The following TRMT1L variants were observed in gnomAD, a reference collection of about 807,000 sequenced individuals.
TRMT1L encodes the protein tRNA (guanine(27)-N(2))-dimethyltransferase.
In TRMT1L, 28 loss-of-function variants were observed where a neutral mutation model predicts 81.6. The observed-to-expected ratio is 0.34, with a 90% confidence interval of 0.25 to 0.47. The LOEUF (loss-of-function observed/expected upper bound fraction) is 0.47. Ranked by LOEUF, TRMT1L falls within the 20% of genes least tolerant of loss-of-function variation. The pLI, the probability that TRMT1L is intolerant of heterozygous loss-of-function variation, is 1.00. For missense variants in TRMT1L, 739 were observed against 877.1 expected (o/e 0.84, Z 1.99); for synonymous variants, 301 against 303.2 (o/e 0.99, Z 0.07).
At chr1:185,137,457 G>A (rs1652928046) in intron 10 of TRMT1L, 149 bp downstream of exon 10, 1 of 810,848 alleles carries the variant, frequency 1.2e-6, no homozygotes, top group African/African-American at 1.7e-5. Flanking sequence ...TGTCTTGTCT[G>A]TTGACGAAAG....
At chr1:185,151,795 G>GAA (rs368841273) in intron 2 of TRMT1L, 30 bp downstream of exon 2, 2,108 of 1,138,656 alleles carry the variant, frequency 1.9e-3, no homozygotes, top group South Asian at 2.9e-3. Context: ...TAGAAACTAA[G>GAA]AAAAAAAAAA....
rs146864347 is a variant in TRMT1L, at chr1:185,123,936, A to T, written c.1760-17T>A. 735 of 1,371,110 alleles carry T rather than the reference A, an allele frequency of 5.4e-4. 1 individual carries two copies. Among genetic ancestry groups the T allele is most frequent in the Non-Finnish European group, 6.7e-4 (676 of 1,010,494 alleles). The allele number at this position is 1,371,110 out of a possible 1,614,324, so 84.9% of individuals were successfully genotyped here. A position where few individuals can be genotyped will look rare whatever the true frequency, so the allele number is the denominator to read the frequency against. On this transcript the variant is annotated splice_polypyrimidine_tract_variant and intron_variant, in intron 12 of 14. Coordinates refer to ENST00000367506, the MANE Select transcript of TRMT1L (RefSeq NM_030934.5). ...CATTTTCTTCTAAAAAATAAAGCAA[A>T]TGGGAAAAGAAAATATTTTACAGAA...
chr1:185,144,644 G>C (rs535930871), intron 5 of TRMT1L, among the ~76,000 whole-genome samples: 1 of 140,746 alleles, frequency 7.1e-6, no homozygotes, highest in Non-Finnish European at 1.5e-5. Context: ...ATATTGATGT[G>C]TATATATGTG....
At chr1:185,122,131 T>C (rs1011702872) in intron 13 of TRMT1L, among the ~76,000 whole-genome samples, 1 of 152,234 alleles carries the variant, frequency 6.6e-6, no homozygotes, top group Non-Finnish European at 1.5e-5. Context: ...TTCTTTCTTA[T>C]GGCTGCATAG....
intron 1 of TRMT1L, among the ~76,000 whole-genome samples, chr1:185,154,182 G>A (rs995803133): frequency 2.0e-5 from 3 of 152,110 alleles, no homozygotes; most frequent in African/African-American, 7.2e-5. Context: ...TTTATTAAAA[G>A]GTAATTTTTC....
chr1:185,150,163 C>T (rs1008342954), intron 3 of TRMT1L, among the ~76,000 whole-genome samples: 7 of 152,094 alleles, frequency 4.6e-5, no homozygotes, highest in Non-Finnish European at 7.4e-5. Context: ...ACAACAGATG[C>T]ATAATAAATG....
chr1:185,141,742 G>A (rs974826525), intron 7 of TRMT1L, among the ~76,000 whole-genome samples: 3 of 152,114 alleles, frequency 2.0e-5, no homozygotes, highest in African/African-American at 7.2e-5. Context: ...GAAGAATACT[G>A]AGAAATAAAT....
At chr1:185,144,486 G>C (rs961242524) in intron 5 of TRMT1L, among the ~76,000 whole-genome samples, 55 of 151,876 alleles carry the variant, frequency 3.6e-4, no homozygotes, top group African/African-American at 1.3e-3. Context: ...GGCTTACTAA[G>C]AATCACTCTA....
At position 185,118,201 on chromosome 1, in the gene TRMT1L, A is replaced by G. The variant is rs1441493528; in HGVS notation, c.*1818T>C. 1 of 152,228 alleles carries G rather than the reference A, an allele frequency of 6.6e-6. No individual in the cohort carries two copies. Among genetic ancestry groups the G allele is most frequent in the Admixed American group, 6.5e-5 (1 of 15,280 alleles). 9.4% of individuals were successfully genotyped at this position (152,228 alleles called of 1,614,324 possible). ...AATTACTACTATTGTTACGAGAATA[A>G]GATTGCTCAGGTTGCTAAAAGGAAT... On this transcript the variant is annotated 3_prime_UTR_variant, in exon 15 of 15. Coordinates refer to ENST00000367506, the MANE Select transcript of TRMT1L (RefSeq NM_030934.5).
Position 185,119,565 on chromosome 1 carries a change from T to C in TRMT1L, c.*454A>G, listed in dbSNP as rs1053166. ...AAATACATTATGACCTGTAAGAACATTGTTCTTCCTATTCTATTCAGGGTC... is the reference window on the plus strand; with the variant it reads ...AAATACATTATGACCTGTAAGAACACTGTTCTTCCTATTCTATTCAGGGTC... On this transcript the variant is annotated 3_prime_UTR_variant, in exon 15 of 15. Coordinates refer to ENST00000367506, the MANE Select transcript of TRMT1L (RefSeq NM_030934.5). 47,606 of 152,702 alleles carry C rather than the reference T, an allele frequency of 0.31. 7,737 individuals carry two copies. Among genetic ancestry groups the C allele is most frequent in the Middle Eastern group, 0.39 (114 of 294 alleles). 9.5% of individuals were successfully genotyped at this position (152,702 alleles called of 1,614,324 possible). A position where few individuals can be genotyped will look rare whatever the true frequency, so the allele number is the denominator to read the frequency against.
intron 1 of TRMT1L, among the ~76,000 whole-genome samples, chr1:185,154,035 C>T (rs573242232): frequency 4.3e-4 from 66 of 152,238 alleles, no homozygotes; most frequent in African/African-American, 1.6e-3. Flanking sequence ...GTGCCTAATG[C>T]AGTAGCTTGC....
Position 185,119,357 on chromosome 1 carries a change from A to C in TRMT1L, c.*662T>G, listed in dbSNP as rs542428598. The C allele has an allele frequency of 2.6e-5, 4 of 152,286 alleles. No individual in the cohort carries two copies. The highest frequency in any genetic ancestry group is 7.2e-5 in the African/African-American group (3 of 41,572). 9.4% of individuals were successfully genotyped at this position (152,286 alleles called of 1,614,324 possible). A position where few individuals can be genotyped will look rare whatever the true frequency, so the allele number is the denominator to read the frequency against. On this transcript the variant is annotated 3_prime_UTR_variant, in exon 15 of 15. Coordinates refer to ENST00000367506, the MANE Select transcript of TRMT1L (RefSeq NM_030934.5). ...AGTATTATATTAGATTAATGGTCTCAATTTATTCTGACAAAATCTTACTTT... is the reference window on the plus strand; with the variant it reads ...AGTATTATATTAGATTAATGGTCTCCATTTATTCTGACAAAATCTTACTTT...
At chr1:185,125,156 C>T in intron 11 of TRMT1L, 46 bp from the exon 12 acceptor site, 2 of 1,441,524 alleles carry the variant, frequency 1.4e-6, no homozygotes, top group Non-Finnish European at 1.9e-6. Flanking sequence ...AAAAATGTTT[C>T]TCTTTAAAAA....
intron 4 of TRMT1L, among the ~76,000 whole-genome samples, chr1:185,145,871 A>C (rs1653174616): frequency 6.6e-6 from 1 of 152,004 alleles, no homozygotes; most frequent in Non-Finnish European, 1.5e-5. Context: ...GTGTGCTGGT[A>C]AATGCTTATT....
At chr1:185,133,076 T>C (rs765290458) in intron 10 of TRMT1L, among the ~76,000 whole-genome samples, 3 of 152,176 alleles carry the variant, frequency 2.0e-5, no homozygotes, top group Admixed American at 1.3e-4. Flanking sequence ...TGCTTAACTA[T>C]GGTGAAGGAA....
chr1:185,134,743 T>C, intron 10 of TRMT1L, among the ~76,000 whole-genome samples: 1 of 152,238 alleles, frequency 6.6e-6, no homozygotes, highest in East Asian at 1.9e-4. Flanking sequence ...GTATACAGGC[T>C]ATTGGACATG....
chr1:185,147,209 T>A lies in TRMT1L; in HGVS notation c.498A>T (p.Pro166=), dbSNP rs375162886. The A allele has an allele frequency of 6.2e-7, 1 of 1,610,748 alleles. No homozygotes were observed. The highest frequency in any genetic ancestry group is 1.1e-5 in the South Asian group (1 of 90,674). ...RMCICHLPCR[P]VKPNIIGEQI... Reference sequence around the variant, plus strand: ...GTTCTCCAATAATGTTTGGTTTCACTGGTCGACAAGGTAAGTGACAGATGC... The same window carrying A: ...GTTCTCCAATAATGTTTGGTTTCACAGGTCGACAAGGTAAGTGACAGATGC... The change falls in exon 4 of 15, where the codon CCA becomes CCT. Residue 166 remains proline (P), a synonymous_variant. Transcript: ENST00000367506.
At position 185,118,492 on chromosome 1, in the gene TRMT1L, C is replaced by T. The variant is rs1652416451; in HGVS notation, c.*1527G>A. 6.6e-6 allele frequency: 1 copy of T among 152,032 alleles called. No homozygotes were observed. The highest frequency in any genetic ancestry group is 1.5e-5 in the Non-Finnish European group (1 of 67,990). 9.4% of individuals were successfully genotyped at this position (152,032 alleles called of 1,614,324 possible). A position where few individuals can be genotyped will look rare whatever the true frequency, so the allele number is the denominator to read the frequency against. On this transcript the variant is annotated 3_prime_UTR_variant, in exon 15 of 15. Coordinates refer to ENST00000367506, the MANE Select transcript of TRMT1L (RefSeq NM_030934.5). Reference sequence around the variant, plus strand: ...AATAATATGTATTAAATCAGATAATCTGAGTGCTAAAATAGTTTGCCTCCT... The same window carrying T: ...AATAATATGTATTAAATCAGATAATTTGAGTGCTAAAATAGTTTGCCTCCT...
At chr1:185,146,099 G>C (rs1323790023) in intron 4 of TRMT1L, among the ~76,000 whole-genome samples, 2 of 151,948 alleles carry the variant, frequency 1.3e-5, no homozygotes, top group Non-Finnish European at 2.9e-5. Flanking sequence ...AACTGTAAGT[G>C]CACAGATAAT....
Sources: gnomAD v4.1 joint callset for allele counts (sites outside exome capture counted in the v4.1 genomes callset) on GRCh38, gnomAD v4.1.1 for gene constraint, MANE v1.5 for transcripts, NCBI Gene and HGNC (gene_info 2026-07-23, HGNC 2026-07-21) for gene names.